ASAP1: variants seen among roughly 807,000 people sequenced by gnomAD.
ASAP1 encodes the protein ArfGAP with SH3 domain, ankyrin repeat and PH domain 1.
ASAP1 carries 43 observed loss-of-function variants against 145.2 expected under a neutral mutation model. That is an observed-to-expected ratio of 0.30 (90% CI 0.23 to 0.38). ASAP1 has a LOEUF of 0.38. ASAP1 is among the 10% of genes least tolerant of loss of function. The pLI is 1.00. For synonymous variants in ASAP1, 546 were observed against 515.5 expected (o/e 1.06, Z -0.80); for missense variants, 1,018 against 1,355.3 (o/e 0.75, Z 3.91).
At chr8:130,199,807 C>A (rs1815750682) in intron 5 of ASAP1, among the ~76,000 whole-genome samples, 2 of 152,152 alleles carry the variant, frequency 1.3e-5, no homozygotes, top group Admixed American at 6.6e-5. Flanking sequence ...AGAGACAGGG[C>A]AGCCCTGGTC....
chr8:130,119,168 T>C (rs1428517718), intron 18 of ASAP1, among the ~76,000 whole-genome samples: 1 of 152,214 alleles, frequency 6.6e-6, no homozygotes, highest in Admixed American at 6.5e-5. Context: ...GGTCTTGAAC[T>C]CCTGAGCTCA....
In ASAP1 at chr8:130,100,581, G is replaced by A. The variant is rs182060419; in HGVS notation, c.2402-8438C>T. On this transcript the variant is annotated intron_variant, in intron 24 of 29. Coordinates refer to ENST00000518721, the MANE Select transcript of ASAP1 (RefSeq NM_018482.4). ...TGACCTCAGGCAATCTACCCACCTC[G>A]GCCTCCCAACGTGCTGGGATTACAG... 8.4e-3 allele frequency among the ~76,000 whole-genome samples: 1,285 copies of A among 152,108 alleles called. 12 individuals carry two copies. The highest frequency in any genetic ancestry group is 0.027 in the African/African-American group (1,102 of 41,490).
intron 2 of ASAP1, among the ~76,000 whole-genome samples, chr8:130,389,235 A>G (rs1481386099): frequency 6.6e-6 from 1 of 152,158 alleles, no homozygotes; most frequent in Non-Finnish European, 1.5e-5. Context: ...AGATAAGGAA[A>G]CTTGCCTAGC....
chr8:130,076,108 T>C lies in ASAP1; in HGVS notation c.2701+240A>G, dbSNP rs568851123. 1.3e-3 allele frequency among the ~76,000 whole-genome samples: 198 copies of C among 152,332 alleles called. 2 individuals carry two copies. The highest frequency in any genetic ancestry group is 3.3e-3 in the Admixed American group (50 of 15,304). Reference sequence around the variant, plus strand: ...GAATGGTTCCTGGGGATTATAATAATGTAATGTCTACAAAATTATTATGTA... The same window carrying C: ...GAATGGTTCCTGGGGATTATAATAACGTAATGTCTACAAAATTATTATGTA... On this transcript the variant is annotated intron_variant, in intron 27 of 29. Coordinates refer to ENST00000518721, the MANE Select transcript of ASAP1 (RefSeq NM_018482.4).
At position 130,417,322 on chromosome 8, in the gene ASAP1, G is replaced by C. The variant is rs571140444; in HGVS notation, c.-27-15352C>G. ...AATGGACTATGTGCCGCAGCAGCAG[G>C]GCTGTTCCCTGTGGGCCCATGGAAA... On this transcript the variant is annotated intron_variant, in intron 1 of 29. Transcript: ENST00000518721. Among the ~76,000 whole-genome samples the C allele has an allele frequency of 1.1e-4, 16 of 152,364 alleles. No individual in the cohort carries two copies. The East Asian group carries it at 2.7e-3, about 26-fold the overall frequency.
chr8:130,333,113 G>C (rs538854690), intron 3 of ASAP1, among the ~76,000 whole-genome samples: 2 of 151,818 alleles, frequency 1.3e-5, no homozygotes, highest in African/African-American at 4.8e-5. Flanking sequence ...AAACTCAAGG[G>C]GGAATTACAA....
rs576992972 is a variant in ASAP1, at chr8:130,384,229, G to A, written c.59+17656C>T. Among the ~76,000 whole-genome samples, 4 of 152,282 alleles carry A rather than the reference G, an allele frequency of 2.6e-5. No individual in the cohort carries two copies. In the East Asian group the frequency reaches 5.8e-4, roughly 22 times the overall value. On this transcript the variant is annotated intron_variant, in intron 2 of 29. Transcript: ENST00000518721. ...CAAGTTACCAGCAGGGAAGGGCCTC[G>A]CTGATTAAAATAAAGCACAAACCAC...
chr8:130,349,393 A>T (rs1166500943), intron 3 of ASAP1, among the ~76,000 whole-genome samples: 1 of 152,218 alleles, frequency 6.6e-6, no homozygotes, highest in Non-Finnish European at 1.5e-5. Flanking sequence ...TAATGCAATA[A>T]TACAATAATA....
intron 3 of ASAP1, among the ~76,000 whole-genome samples, chr8:130,314,695 C>G (rs1229886760): frequency 6.6e-6 from 1 of 152,234 alleles, no homozygotes; most frequent in Non-Finnish European, 1.5e-5. Flanking sequence ...TTCACAGGGT[C>G]AGGATGGAAC....
intron 3 of ASAP1, among the ~76,000 whole-genome samples, chr8:130,311,084 C>T (rs1431170692): frequency 6.6e-6 from 1 of 152,148 alleles, no homozygotes; most frequent in Admixed American, 6.5e-5. Flanking sequence ...CAGTCCAGGG[C>T]AGGTTGTCAG....
chr8:130,111,020 C>T (rs1038711751), intron 24 of ASAP1, among the ~76,000 whole-genome samples: 13 of 151,974 alleles, frequency 8.6e-5, no homozygotes, highest in African/African-American at 1.2e-4. Context: ...TTAATGGTAG[C>T]CTGAGGCGCC....
At chr8:130,133,951 G>T (rs530816380) in intron 15 of ASAP1, among the ~76,000 whole-genome samples, 1 of 152,318 alleles carries the variant, frequency 6.6e-6, no homozygotes, top group African/African-American at 2.4e-5. Flanking sequence ...CATAAGGCAC[G>T]GTCCTTGCCC....
At chr8:130,116,815 C>T in intron 21 of ASAP1, 65 bp downstream of exon 21, 1 of 1,580,786 alleles carries the variant, frequency 6.3e-7, no homozygotes. Context: ...GAACAATAAT[C>T]AAATTACAAT....
intron 2 of ASAP1, chr8:130,361,666 T>G (rs761516563): frequency 4.6e-6 from 7 of 1,522,544 alleles, no homozygotes; most frequent in Non-Finnish European, 6.2e-6. Flanking sequence ...ACACCTCTAC[T>G]CACCATTTCT....
intron 15 of ASAP1, among the ~76,000 whole-genome samples, chr8:130,130,344 C>T (rs1310717409): frequency 1.3e-5 from 2 of 152,290 alleles, no homozygotes; most frequent in Non-Finnish European, 2.9e-5. Context: ...TGTTGACTCA[C>T]TTTTTCAGAG....
intron 13 of ASAP1, among the ~76,000 whole-genome samples, chr8:130,139,023 G>A (rs1000157356): frequency 6.6e-6 from 1 of 152,210 alleles, no homozygotes; most frequent in African/African-American, 2.4e-5. Flanking sequence ...AATGGCATAT[G>A]ACCACCTGAA....
rs758400587 is a variant in ASAP1 at position 130,136,952 on chromosome 8, T to C, written c.1167A>G (p.Ser389=). The change falls in exon 14 of 30, where the codon TCA becomes TCG. Residue 389 remains serine, a splice_region_variant and synonymous_variant. Transcript: ENST00000518721. ...AEDKKSFDLI[S]HNRTYHFQAE... is the part of the protein sequence containing the mutation. Reference sequence around the variant, plus strand: ...CTCAGAGAGAGAAAAAGGACTCACGTGATATCAGGTCAAAAGATTTTTTGT... The same window carrying C: ...CTCAGAGAGAGAAAAAGGACTCACGCGATATCAGGTCAAAAGATTTTTTGT... 1 of 1,613,870 alleles carries C rather than the reference T, an allele frequency of 6.2e-7. No individual in the cohort carries two copies. The highest frequency in any genetic ancestry group is 1.7e-5 in the Admixed American group (1 of 60,022).
At chr8:130,346,792 C>T (rs909309387) in intron 3 of ASAP1, among the ~76,000 whole-genome samples, 1 of 144,538 alleles carries the variant, frequency 6.9e-6, no homozygotes, top group African/African-American at 2.6e-5. Flanking sequence ...AAAGCAGCAG[C>T]AGCTGCTGGG....
chr8:130,180,524 G>T (rs1814282201), intron 8 of ASAP1, among the ~76,000 whole-genome samples: 1 of 152,236 alleles, frequency 6.6e-6, no homozygotes, highest in Non-Finnish European at 1.5e-5. Context: ...AAAGAATCCT[G>T]TTTTGGCTTA....
Sources: allele counts gnomAD v4.1 joint callset (sites outside exome capture counted in the v4.1 genomes callset), GRCh38; gene constraint gnomAD v4.1.1; transcripts MANE v1.5; gene names NCBI Gene and HGNC (gene_info 2026-07-23, HGNC 2026-07-21).